PTPN9: variants seen among roughly 807,000 people sequenced by gnomAD.
The protein encoded by PTPN9 is protein tyrosine phosphatase non-receptor type 9, also known as tyrosine-protein phosphatase non-receptor type 9.
A neutral mutation model predicts 69.8 loss-of-function variants in PTPN9; 26 were observed. The observed-to-expected ratio is 0.37, with a 90% CI of 0.27 to 0.52. PTPN9 has a LOEUF of 0.52. PTPN9 is among the 20% of genes least tolerant of loss of function. The pLI is 0.91. For synonymous variants in PTPN9, 274 were observed against 272.5 expected (o/e 1.01, Z -0.05); for missense variants, 549 against 740.3 (o/e 0.74, Z 3.00).
chr15:75,531,040 C>T (rs971395835), intron 1 of PTPN9, among the ~76,000 whole-genome samples: 1 of 148,078 alleles, frequency 6.8e-6, no homozygotes, highest in African/African-American at 2.5e-5. Context: ...CTTACAAATA[C>T]AATTCAAATT....
At chr15:75,506,166 G>C (rs1595956243) in intron 6 of PTPN9, among the ~76,000 whole-genome samples, 163 bp from the exon 7 acceptor site, 1 of 152,306 alleles carries the variant, frequency 6.6e-6, no homozygotes, top group East Asian at 1.9e-4. Context: ...ATCTGCCTGA[G>C]ATTTAAGTCC....
intron 4 of PTPN9, among the ~76,000 whole-genome samples, chr15:75,522,395 G>A (rs1302862741): frequency 1.3e-5 from 2 of 151,504 alleles, no homozygotes; most frequent in African/African-American, 4.9e-5. Context: ...GGGCTTTTTT[G>A]TGGGGTTTTT....
intron 7 of PTPN9, among the ~76,000 whole-genome samples, chr15:75,504,846 G>T (rs2074808290): frequency 8.2e-6 from 1 of 121,440 alleles, no homozygotes; most frequent in South Asian, 2.8e-4. Context: ...CGGGAGGGAG[G>T]TGGGGGGGTC....
At chr15:75,528,487 A>G (rs951961355) in intron 1 of PTPN9, among the ~76,000 whole-genome samples, 2 of 151,924 alleles carry the variant, frequency 1.3e-5, no homozygotes, top group African/African-American at 2.4e-5. Flanking sequence ...GGCTCAAACA[A>G]TCCTCCAGCC....
Position 75,576,984 on chromosome 15 carries a change from G to C in PTPN9, c.63+1730C>G, listed in dbSNP as rs1179293358. 2.0e-5 allele frequency among the ~76,000 whole-genome samples: 3 copies of C among 152,060 alleles called. No homozygotes were observed. In the East Asian group the frequency reaches 5.8e-4, roughly 29 times the overall value. On this transcript the variant is annotated intron_variant, in intron 1 of 12. Coordinates refer to ENST00000618819, the MANE Select transcript of PTPN9 (RefSeq NM_002833.4). ...AAAAAATAATATTTTGTAGAAAAAA[G>C]AGATAAGATTTTAAAAACACACACA...
At chr15:75,491,412 A>AT (rs937866247) in intron 7 of PTPN9, among the ~76,000 whole-genome samples, 2 of 151,786 alleles carry the variant, frequency 1.3e-5, no homozygotes, top group Non-Finnish European at 1.5e-5. Context: ...CAAAAAAAAA[A>AT]AAAAATAATT....
Position 75,519,016 on chromosome 15 carries a change from C to T in PTPN9, c.423-1652G>A, listed in dbSNP as rs115227701. 4.0e-3 allele frequency among the ~76,000 whole-genome samples: 608 copies of T among 152,288 alleles called. 4 individuals carry two copies. Among genetic ancestry groups the T allele is most frequent in the African/African-American group, 0.014 (586 of 41,562 alleles). On this transcript the variant is annotated intron_variant, in intron 4 of 12. Transcript: ENST00000618819. Reference sequence around the variant, plus strand: ...CATTAGGATAAATTATTTGATTGGACTACTCACAGATGACAGCAAGAGTTT... The same window carrying T: ...CATTAGGATAAATTATTTGATTGGATTACTCACAGATGACAGCAAGAGTTT...
In PTPN9 at chr15:75,530,555, T is replaced by A. The variant is rs9796709; in HGVS notation, c.64-3294A>T. Among the ~76,000 whole-genome samples, 42 of 30,392 alleles carry A rather than the reference T, an allele frequency of 1.4e-3. 1 individual carries two copies. Among genetic ancestry groups the A allele is most frequent in the African/African-American group, 3.8e-3 (21 of 5,514 alleles). 19.9% of individuals were successfully genotyped at this position (30,392 alleles called of 152,430 possible). ...TATAATATTATTATATTATAATATA[T>A]TATATATTATTATATTATAATATAC... On this transcript the variant is annotated intron_variant, in intron 1 of 12. Transcript: ENST00000618819.
At chr15:75,530,797 ATATAT>A (rs1255973367) in intron 1 of PTPN9, among the ~76,000 whole-genome samples, 4 of 92,080 alleles carry the variant, frequency 4.3e-5, no homozygotes, top group African/African-American at 1.3e-4. Flanking sequence ...ATATAATAGA[ATATAT>A]TATAATATAT....
chr15:75,515,140 A>G (rs1320580896), intron 5 of PTPN9, among the ~76,000 whole-genome samples: 1 of 152,174 alleles, frequency 6.6e-6, no homozygotes, highest in Non-Finnish European at 1.5e-5. Flanking sequence ...TAAAAAAAAG[A>G]AATCGGGCCA....
rs1555453903 is a variant in PTPN9, at chr15:75,491,415, A to AAT, written c.969-1115_969-1114insAT. Among the ~76,000 whole-genome samples the AAT allele has an allele frequency of 1.5e-4, 23 of 151,680 alleles. 1 individual carries two copies. The highest frequency in any genetic ancestry group is 6.6e-4 in the Admixed American group (10 of 15,124). On this transcript the variant is annotated intron_variant, in intron 7 of 12. Transcript: ENST00000618819. The stretch of plus-strand genomic sequence containing the variant: ...AAGACTTTATCTCAAAAAAAAAAAA[A>AAT]AATAATTAAATTTAAAAACAGAGAG...
intron 1 of PTPN9, among the ~76,000 whole-genome samples, chr15:75,558,412 C>T (rs1306383630): frequency 6.6e-6 from 1 of 152,272 alleles, no homozygotes; most frequent in African/African-American, 2.4e-5. Flanking sequence ...AAGGCTGAGG[C>T]ACGAGAACTG....
At chr15:75,470,568 G>A (rs1417693808) in intron 11 of PTPN9, 112 bp downstream of exon 11, 45 of 1,327,778 alleles carry the variant, frequency 3.4e-5, no homozygotes, top group Non-Finnish European at 4.6e-5. Context: ...TAGAAAAACA[G>A]AAGCAACTCA....
chr15:75,522,389 T>C (rs777018620), intron 4 of PTPN9, among the ~76,000 whole-genome samples: 3 of 151,978 alleles, frequency 2.0e-5, no homozygotes, highest in East Asian at 1.9e-4. Flanking sequence ...TTGTGTGGGC[T>C]TTTTTGTGGG....
chr15:75,475,851 G>A (rs914334875), intron 9 of PTPN9, among the ~76,000 whole-genome samples: 9 of 152,018 alleles, frequency 5.9e-5, no homozygotes, highest in South Asian at 2.1e-4. Context: ...AAATTATGAC[G>A]TATCAGGTGG....
At chr15:75,567,967 G>A (rs1166350652) in intron 1 of PTPN9, among the ~76,000 whole-genome samples, 1 of 149,430 alleles carries the variant, frequency 6.7e-6, no homozygotes, top group Admixed American at 6.7e-5. Context: ...CTGCACTCCA[G>A]CCTGGGCGAC....
chr15:75,554,595 G>A lies in PTPN9; in HGVS notation c.63+24119C>T, dbSNP rs148199419. Reference sequence around the variant, plus strand: ...TCCCACCTCAGCCTCCTAAAGTGCTGGAATTACATGTTTGAGCCACCATGC... The same window carrying A: ...TCCCACCTCAGCCTCCTAAAGTGCTAGAATTACATGTTTGAGCCACCATGC... On this transcript the variant is annotated intron_variant, in intron 1 of 12. Transcript: ENST00000618819. Among the ~76,000 whole-genome samples, 11 of 152,126 alleles carry A rather than the reference G, an allele frequency of 7.2e-5. No homozygotes were observed. The East Asian group carries it at 2.1e-3, about 29-fold the overall frequency.
At chr15:75,529,726 A>G (rs1425360932) in intron 1 of PTPN9, among the ~76,000 whole-genome samples, 1 of 152,034 alleles carries the variant, frequency 6.6e-6, no homozygotes, top group Non-Finnish European at 1.5e-5. Context: ...CCTGGCCAAC[A>G]TGGTGAAACC....
chr15:75,506,023 C>G lies in PTPN9; in HGVS notation c.640-20G>C. 1 of 1,565,618 alleles carries G rather than the reference C, an allele frequency of 6.4e-7. No homozygotes were observed. The highest frequency in any genetic ancestry group is 8.8e-7 in the Non-Finnish European group (1 of 1,139,698). On this transcript the variant is annotated intron_variant, in intron 6 of 12. Coordinates refer to ENST00000618819, the MANE Select transcript of PTPN9 (RefSeq NM_002833.4). ...TTGAATCTGGAAGGTTAGAAAGAAC[C>G]ATGTGAGTATGTGGGAGGAGGGAAA...
Sources: gnomAD v4.1 joint callset for allele counts (sites outside exome capture counted in the v4.1 genomes callset) on GRCh38, gnomAD v4.1.1 for gene constraint, MANE v1.5 for transcripts, NCBI Gene and HGNC (gene_info 2026-07-23, HGNC 2026-07-21) for gene names.